GALNTL6: variants seen among roughly 807,000 people sequenced by gnomAD.
The protein encoded by GALNTL6 is polypeptide N-acetylgalactosaminyltransferase-like 6.
A neutral mutation model predicts 73.7 loss-of-function variants in GALNTL6; 46 were observed. The ratio of observed to expected loss-of-function variants is 0.62; its 90% CI spans 0.49 to 0.80. The LOEUF (loss-of-function observed/expected upper bound fraction) is 0.80. GALNTL6 is among the 30% of genes least tolerant of loss of function. GALNTL6 has a pLI of 0.00. For missense variants in GALNTL6, 604 were observed against 755.0 expected (o/e 0.80, Z 2.34); for synonymous variants, 259 against 263.7 (o/e 0.98, Z 0.17).
At chr4:172,517,487 G>A (rs1228019389) in intron 5 of GALNTL6, among the ~76,000 whole-genome samples, 3 of 152,112 alleles carry the variant, frequency 2.0e-5, no homozygotes, top group African/African-American at 7.2e-5. Context: ...TTAAAACGTG[G>A]AGTAGCTGGA....
At chr4:172,712,526 A>G (rs1734773162) in intron 5 of GALNTL6, among the ~76,000 whole-genome samples, 1 of 151,970 alleles carries the variant, frequency 6.6e-6, no homozygotes, top group African/African-American at 2.4e-5. Flanking sequence ...CTACTTTTTT[A>G]TGAAGAAAAA....
intron 2 of GALNTL6, among the ~76,000 whole-genome samples, chr4:171,940,034 C>T (rs1175399823): frequency 4.0e-5 from 6 of 151,848 alleles, no homozygotes; most frequent in Middle Eastern, 3.4e-3. Flanking sequence ...GTACGGTCTT[C>T]GACAAATCAC....
chr4:172,111,766 T>C (rs1732857883), intron 2 of GALNTL6, among the ~76,000 whole-genome samples: 1 of 152,066 alleles, frequency 6.6e-6, no homozygotes, highest in South Asian at 2.1e-4. Flanking sequence ...CTTTATTTTT[T>C]GGAGCAGTTT....
chr4:172,060,893 C>T (rs530046652), intron 2 of GALNTL6, among the ~76,000 whole-genome samples: 1 of 152,188 alleles, frequency 6.6e-6, no homozygotes, highest in Non-Finnish European at 1.5e-5. Context: ...AAACTTATTC[C>T]ATTATGTAAA....
intron 2 of GALNTL6, among the ~76,000 whole-genome samples, chr4:172,014,434 T>A (rs1741121892): frequency 6.6e-6 from 1 of 152,084 alleles, no homozygotes; most frequent in Admixed American, 6.6e-5. Context: ...TGAGATGACA[T>A]GTCACTTAAG....
At chr4:172,294,350 C>T (rs1465633685) in intron 3 of GALNTL6, among the ~76,000 whole-genome samples, 1 of 152,032 alleles carries the variant, frequency 6.6e-6, no homozygotes, top group African/African-American at 2.4e-5. Context: ...TTGTATTGCC[C>T]ATTTTCTTAG....
chr4:172,607,464 G>A (rs1447560253), intron 5 of GALNTL6, among the ~76,000 whole-genome samples: 1 of 152,150 alleles, frequency 6.6e-6, no homozygotes, highest in African/African-American at 2.4e-5. Flanking sequence ...TTGCTGCAAG[G>A]ACATGATTTC....
intron 3 of GALNTL6, among the ~76,000 whole-genome samples, chr4:172,258,651 CA>C (rs1453023684): frequency 1.3e-5 from 2 of 151,116 alleles, no homozygotes; most frequent in Non-Finnish European, 3.0e-5. Flanking sequence ...TTTGTTTACA[CA>C]GATAAGTTCT....
chr4:172,847,386 C>T (rs1024532270), intron 7 of GALNTL6, among the ~76,000 whole-genome samples: 11 of 152,046 alleles, frequency 7.2e-5, no homozygotes, highest in Non-Finnish European at 1.5e-4. Flanking sequence ...TTCTTCCACC[C>T]AGGTAGACAA....
intron 8 of GALNTL6, among the ~76,000 whole-genome samples, chr4:172,902,208 T>C (rs1363381779): frequency 6.6e-6 from 1 of 152,036 alleles, no homozygotes; most frequent in East Asian, 1.9e-4. Flanking sequence ...ACTAAAATGA[T>C]ATTAAAACCA....
intron 5 of GALNTL6, among the ~76,000 whole-genome samples, chr4:172,451,417 A>G (rs1047294378): frequency 2.6e-5 from 4 of 152,198 alleles, no homozygotes; most frequent in African/African-American, 9.7e-5. Flanking sequence ...AGCAAACCAC[A>G]AAGACCCATT....
At chr4:172,802,970 A>G (rs996675183) in intron 5 of GALNTL6, among the ~76,000 whole-genome samples, 4 of 152,230 alleles carry the variant, frequency 2.6e-5, no homozygotes, top group African/African-American at 9.6e-5. Context: ...ACGAATGCAC[A>G]CTGACATGTA....
intron 5 of GALNTL6, among the ~76,000 whole-genome samples, chr4:172,767,513 C>T (rs2110850039): frequency 6.6e-6 from 1 of 152,096 alleles, no homozygotes; most frequent in Non-Finnish European, 1.5e-5. Flanking sequence ...CCTTTTTTTC[C>T]CTTAACTAGT....
At chr4:172,300,421 A>G (rs1739867736) in intron 3 of GALNTL6, among the ~76,000 whole-genome samples, 1 of 152,156 alleles carries the variant, frequency 6.6e-6, no homozygotes, top group Non-Finnish European at 1.5e-5. Flanking sequence ...TTATGATGTT[A>G]GCTGGTTATT....
chr4:172,524,159 T>G (rs929089332), intron 5 of GALNTL6, among the ~76,000 whole-genome samples: 7 of 152,200 alleles, frequency 4.6e-5, no homozygotes, highest in Admixed American at 4.6e-4. Context: ...TGTGGACACT[T>G]TTGCTCAGCA....
At chr4:172,230,505 C>G (rs1194471397) in intron 3 of GALNTL6, among the ~76,000 whole-genome samples, 1 of 149,760 alleles carries the variant, frequency 6.7e-6, no homozygotes, top group African/African-American at 2.5e-5. Context: ...GAGAATGGCC[C>G]GGGGGGTGGA....
chr4:171,868,539 A>G (rs778371460), intron 2 of GALNTL6, among the ~76,000 whole-genome samples: 2 of 152,202 alleles, frequency 1.3e-5, no homozygotes, highest in Non-Finnish European at 2.9e-5. Context: ...ACAAATATCC[A>G]GCAGCAAACT....
rs898958594 is a variant in GALNTL6 at position 172,979,241 on chromosome 4, T to C, written c.1371+26983T>C. Reference sequence around the variant, plus strand: ...CCCAAAGATTCACGTGTGCCAAAATTATTGATAATGGAAACTTAAAGTACC... The same window carrying C: ...CCCAAAGATTCACGTGTGCCAAAATCATTGATAATGGAAACTTAAAGTACC... On this transcript the variant is annotated intron_variant, in intron 10 of 12. Coordinates refer to ENST00000506823, the MANE Select transcript of GALNTL6 (RefSeq NM_001034845.3). Among the ~76,000 whole-genome samples, 6 of 152,330 alleles carry C rather than the reference T, an allele frequency of 3.9e-5. No individual in the cohort carries two copies. In the East Asian group the frequency reaches 7.7e-4, roughly 20 times the overall value.
chr4:172,042,047 G>T (rs1051010870), intron 2 of GALNTL6, among the ~76,000 whole-genome samples: 1 of 151,882 alleles, frequency 6.6e-6, no homozygotes, highest in African/African-American at 2.4e-5. Flanking sequence ...GAAAGCAAGG[G>T]GTATTCAGCC....
Sources: gnomAD v4.1 joint callset for allele counts (sites outside exome capture counted in the v4.1 genomes callset) on GRCh38, gnomAD v4.1.1 for gene constraint, MANE v1.5 for transcripts, NCBI Gene and HGNC (gene_info 2026-07-23, HGNC 2026-07-21) for gene names.